MYO1A: variants seen among roughly 807,000 people sequenced by gnomAD.
The protein encoded by MYO1A is myosin IA, also known as unconventional myosin-Ia.
Under a neutral mutation model 138.5 loss-of-function variants are expected in MYO1A, and 127 were observed. The observed-to-expected ratio is 0.92, with a 90% confidence interval of 0.79 to 1.06. The LOEUF is 1.06. Among genes scored for constraint, MYO1A ranks in the 50% least tolerant of loss-of-function variants. MYO1A has a pLI of 0.00. For missense variants in MYO1A, 1,211 were observed against 1,288.8 expected (o/e 0.94, Z 0.92); for synonymous variants, 477 against 497.5 (o/e 0.96, Z 0.55).
At chr12:57,032,546 G>T (rs2136436729) in intron 22 of MYO1A, among the ~76,000 whole-genome samples, 1 of 152,336 alleles carries the variant, frequency 6.6e-6, no homozygotes, top group African/African-American at 2.4e-5. Flanking sequence ...AGCTGGGCAT[G>T]GTGGCGCATG....
chr12:57,033,134 C>T (rs1025062528), intron 22 of MYO1A, among the ~76,000 whole-genome samples: 14 of 152,178 alleles, frequency 9.2e-5, no homozygotes, highest in African/African-American at 2.7e-4. Context: ...AGAACTGGAA[C>T]ATTCTCTTAC....
At chr12:57,048,647 C>G (rs1046441231) in intron 1 of MYO1A, among the ~76,000 whole-genome samples, 1 of 152,170 alleles carries the variant, frequency 6.6e-6, no homozygotes, top group Non-Finnish European at 1.5e-5. Flanking sequence ...TGGGCTACAA[C>G]TGGGGGAGCA....
intron 8 of MYO1A, 56 bp downstream of exon 8, chr12:57,046,496 T>C (rs2031093326): frequency 7.4e-7 from 1 of 1,354,620 alleles, no homozygotes; most frequent in African/African-American, 1.4e-5. Context: ...TGAATGGAGG[T>C]TGGGGACTTT....
intron 16 of MYO1A, 68 bp from the exon 17 acceptor site, chr12:57,038,706 C>A: frequency 6.2e-7 from 1 of 1,608,138 alleles, no homozygotes; most frequent in Non-Finnish European, 8.5e-7. Flanking sequence ...CTCCCAGTCT[C>A]ATTGTGAAGT....
chr12:57,047,898 G>A, intron 3 of MYO1A, 91 bp downstream of exon 3: 1 of 1,561,938 alleles, frequency 6.4e-7, no homozygotes, highest in African/African-American at 1.4e-5. Context: ...AGCTGGAGAA[G>A]CCCCTTCAGG....
chr12:57,034,653 C>A (rs1000466534), intron 22 of MYO1A, among the ~76,000 whole-genome samples: 3 of 147,474 alleles, frequency 2.0e-5, no homozygotes, highest in African/African-American at 5.0e-5. Context: ...CCAGCCTGGG[C>A]GAGAGAGCAA....
At chr12:57,034,623 G>A (rs1425552750) in intron 22 of MYO1A, among the ~76,000 whole-genome samples, 3 of 151,912 alleles carry the variant, frequency 2.0e-5, no homozygotes, top group Non-Finnish European at 2.9e-5. Context: ...GCAGTGAGCC[G>A]AGATCATGCT....
Position 57,046,941 on chromosome 12 carries a change from CAGAG to C in MYO1A, c.478-19_478-16del, listed in dbSNP as rs140243106. On this transcript the variant is annotated splice_polypyrimidine_tract_variant and intron_variant, in intron 6 of 27. Coordinates refer to ENST00000300119, the MANE Select transcript of MYO1A (RefSeq NM_005379.4). The stretch of plus-strand genomic sequence containing the variant: ...ATGTATTTTCCCTTCAGAGAGAGAC[CAGAG>C]AGAGAGACTTAGCTTCTTCCTCTTC... 1 of 1,613,676 alleles carries C rather than the reference CAGAG, an allele frequency of 6.2e-7. No individual in the cohort carries two copies. Among genetic ancestry groups the C allele is most frequent in the Non-Finnish European group, 8.5e-7 (1 of 1,179,650 alleles).
intron 8 of MYO1A, among the ~76,000 whole-genome samples, chr12:57,045,708 G>C (rs1384996571): frequency 1.3e-5 from 2 of 152,352 alleles, no homozygotes; most frequent in African/African-American, 4.8e-5. Flanking sequence ...CTCACAGCCA[G>C]AGAGGAGATT....
chr12:57,035,221 C>T (rs2030477502), intron 22 of MYO1A, among the ~76,000 whole-genome samples: 1 of 152,068 alleles, frequency 6.6e-6, no homozygotes, highest in Non-Finnish European at 1.5e-5. Context: ...CAGGAGATAA[C>T]AGCAAAATCA....
rs121909306 is a variant in MYO1A, at chr12:57,029,584, A to G, written c.2728T>C (p.Ser910Pro). 5 of 1,614,106 alleles carry G rather than the reference A, an allele frequency of 3.1e-6. No homozygotes were observed. The highest frequency in any genetic ancestry group is 2.5e-6 in the Non-Finnish European group (3 of 1,180,050). The change falls in exon 26 of 28, where the codon TCT becomes CCT. Residue 910 changes from serine to proline, a missense_variant. Ser to Pro is a moderately conservative substitution (Grantham distance 74, BLOSUM62 -1). Transcript: ENST00000300119. ...KKVNRGNGKT[S>P]SRILLLTKGH... ...TTGGTCAGGAGGAGAATCCGAGAAG[A>G]AGTCTAGGGACGGAACAGGCAAGGG... is the stretch of plus-strand genomic sequence containing the variant.
intron 24 of MYO1A, 95 bp from the exon 25 acceptor site, chr12:57,029,967 C>G: frequency 1.3e-6 from 2 of 1,570,186 alleles, no homozygotes; most frequent in South Asian, 1.1e-5. Context: ...GCCCTTCCCC[C>G]ACATCCACGT....
At chr12:57,042,884 T>C (rs371183036) in intron 12 of MYO1A, among the ~76,000 whole-genome samples, 188 bp downstream of exon 12, 9 of 152,212 alleles carry the variant, frequency 5.9e-5, no homozygotes, top group East Asian at 3.8e-4. Flanking sequence ...AGTAAGTAGA[T>C]GATATATCCA....
intron 1 of MYO1A, 91 bp from the exon 2 acceptor site, chr12:57,048,434 C>G (rs773590133): frequency 2.0e-5 from 16 of 802,702 alleles, no homozygotes; most frequent in South Asian, 2.9e-5. Context: ...ACCAAAAGAG[C>G]CTTCCTCTCT....
chr12:57,032,875 GTTTT>G (rs560710168), intron 22 of MYO1A, among the ~76,000 whole-genome samples: 74 of 152,038 alleles, frequency 4.9e-4, no homozygotes, highest in Non-Finnish European at 9.7e-4. Context: ...TATTTTGAAA[GTTTT>G]TTTAACTTAC....
rs755570876 is a variant in MYO1A at position 57,043,880 on chromosome 12, C to T, written c.868G>A (p.Ala290Thr). Residue 290 changes from alanine to threonine, a missense_variant, in exon 10 of 28, where the codon GCA becomes ACA. Physicochemically the swap from Ala to Thr is moderately conservative, Grantham distance 58. Coordinates refer to ENST00000300119, the MANE Select transcript of MYO1A (RefSeq NM_005379.4). Reference sequence around the variant, plus strand: ...CCTCTCCCATCACGGATGCCACTTGCTGGTATCCCACTGGCCTGGAACTCA... The same window carrying T: ...CCTCTCCCATCACGGATGCCACTTGTTGGTATCCCACTGGCCTGGAACTCA... Reference protein sequence around the residue: ...ADEFQASGIPASGIRDGRGVR... With the variant: ...ADEFQASGIPTSGIRDGRGVR... 1 of 1,614,142 alleles carries T rather than the reference C, an allele frequency of 6.2e-7. No individual in the cohort carries two copies. Among genetic ancestry groups the T allele is most frequent in the Non-Finnish European group, 8.5e-7 (1 of 1,180,030 alleles).
At chr12:57,044,955 C>T (rs1240219159) in intron 8 of MYO1A, among the ~76,000 whole-genome samples, 1 of 152,196 alleles carries the variant, frequency 6.6e-6, no homozygotes, top group Admixed American at 6.5e-5. Context: ...ATTGTTTGAA[C>T]ACCAAACACC....
intron 14 of MYO1A, among the ~76,000 whole-genome samples, chr12:57,040,350 AT>A (rs2030802753): frequency 6.6e-6 from 1 of 152,146 alleles, no homozygotes; most frequent in African/African-American, 2.4e-5. Flanking sequence ...GGGGAAATAT[AT>A]TTACAAATTT....
At position 57,043,956 on chromosome 12, in the gene MYO1A, C is replaced by A; in HGVS notation, c.792G>T (p.Val264=). ...IGFSEEEIRQ[V]LEVTSMVLKL... ...TTAGCACCATGGATGTCACCTCTAG[C>A]ACTTGTCGAATCTCCTCCTCCGAGA... The change falls in exon 10 of 28, where the codon GTG becomes GTT. Residue 264 remains valine (V), a synonymous_variant. Coordinates refer to ENST00000300119, the MANE Select transcript of MYO1A (RefSeq NM_005379.4). The A allele has an allele frequency of 6.2e-7, 1 of 1,614,146 alleles. No individual in the cohort carries two copies. The highest frequency in any genetic ancestry group is 1.3e-5 in the African/African-American group (1 of 75,022).
Sources: allele counts gnomAD v4.1 joint callset (sites outside exome capture counted in the v4.1 genomes callset), GRCh38; gene constraint gnomAD v4.1.1; transcripts MANE v1.5; gene names NCBI Gene and HGNC (gene_info 2026-07-23, HGNC 2026-07-21).